Variants in RPS24 observed in about 807,000 individuals in gnomAD.
RPS24 encodes small ribosomal subunit protein eS24.
For missense variants in RPS24, 100 were observed against 162.5 expected (o/e 0.62, Z 2.09); for synonymous variants, 72 against 55.6 (o/e 1.30, Z -1.31).
downstream of RPS24, among the ~76,000 whole-genome samples, chr10:78,043,205 A>G (rs760312608): frequency 9.2e-5 from 14 of 152,060 alleles, no homozygotes; most frequent in East Asian, 1.9e-4. Context: ...GGGTTTCACC[A>G]TGTTAGCCAG....
downstream of RPS24, chr10:78,040,878 A>G (rs1589331310): frequency 8.5e-6 from 5 of 586,814 alleles, no homozygotes; most frequent in South Asian, 6.1e-5. Flanking sequence ...CTGGGAGTCA[A>G]GCTTGTAAAT....
intron 4 of RPS24, among the ~76,000 whole-genome samples, chr10:78,051,168 C>T (rs1848095338): frequency 6.6e-6 from 1 of 152,168 alleles, no homozygotes; most frequent in African/African-American, 2.4e-5. Flanking sequence ...CCAGCCTGGG[C>T]AACAGAGTGG....
At chr10:78,044,037 C>G (rs891232184), downstream of RPS24, among the ~76,000 whole-genome samples, 4 of 152,150 alleles carry the variant, frequency 2.6e-5, no homozygotes, top group African/African-American at 9.7e-5. Flanking sequence ...GAAAAGAGTT[C>G]ATGCAGCCTA....
chr10:78,034,994 G>A (rs1244522078), intron 1 of RPS24, among the ~76,000 whole-genome samples: 1 of 152,076 alleles, frequency 6.6e-6, no homozygotes, highest in African/African-American at 2.4e-5. Flanking sequence ...GTGGTTAGAG[G>A]GCTGGGATTT....
chr10:78,055,104 C>T lies in RPS24; in HGVS notation c.*94C>T, dbSNP rs538598613. The T allele has an allele frequency of 6.1e-5, 87 of 1,435,682 alleles. No individual in the cohort carries two copies. The African/African-American group carries it at 7.5e-4, about 12-fold the overall frequency. 88.9% of individuals were successfully genotyped at this position (1,435,682 alleles called of 1,614,324 possible). A position where few individuals can be genotyped will look rare whatever the true frequency, so the allele number is the denominator to read the frequency against. The stretch of plus-strand genomic sequence containing the variant: ...GCAGCCAGCAGGGCACTGTGGAAAT[C>T]GGAGTCACATGAGCTGGCACCTCTG... On this transcript the variant is annotated 3_prime_UTR_variant, in exon 5 of 5. Coordinates refer to the RPS24 transcript ENST00000440692.
chr10:78,049,046 G>A (rs929066705), intron 4 of RPS24: 6 of 152,218 alleles, frequency 3.9e-5, no homozygotes, highest in African/African-American at 1.4e-4. Flanking sequence ...CATGCAAGAC[G>A]GGCTGCTTTT....
chr10:78,047,183 C>G (rs1848052587), intron 4 of RPS24, among the ~76,000 whole-genome samples: 2 of 150,846 alleles, frequency 1.3e-5, no homozygotes, highest in African/African-American at 4.9e-5. Flanking sequence ...TCTGGCTGGT[C>G]TTGAACTCCT....
chr10:78,040,705 G>A, downstream of RPS24: 3 of 1,609,536 alleles, frequency 1.9e-6, no homozygotes, highest in African/African-American at 1.3e-5. Context: ...TCATGTGTCT[G>A]GTTGTTTGAA....
At chr10:78,049,567 C>T (rs1353087583) in intron 4 of RPS24, among the ~76,000 whole-genome samples, 3 of 152,220 alleles carry the variant, frequency 2.0e-5, no homozygotes, top group African/African-American at 7.2e-5. Context: ...CGTTTTCTCT[C>T]TCCACTTTGC....
At position 78,054,978 on chromosome 10, in the gene RPS24, C is replaced by G; in HGVS notation, c.838C>G (p.Pro280Ala). The G allele has an allele frequency of 1.3e-6, 2 of 1,481,848 alleles. No individual in the cohort carries two copies. Among genetic ancestry groups the G allele is most frequent in the Non-Finnish European group, 9.0e-7 (1 of 1,111,414 alleles). The allele number at this position is 1,481,848 out of a possible 1,614,324, so 91.8% of individuals were successfully genotyped here. ...CCACCAGGAATCCAGCTGCTTCTCC[C>G]CACCTTCCTGCCTCTCTGGTCTGGG... Residue 280 changes from proline (P) to alanine (A), a missense_variant, in exon 5 of 5, where the codon CCA (proline) becomes GCA (alanine). Physicochemically the swap from Pro to Ala is conservative, Grantham distance 27. Transcript: ENST00000440692.
chr10:78,042,379 A>G (rs1847995568), downstream of RPS24, among the ~76,000 whole-genome samples: 1 of 152,198 alleles, frequency 6.6e-6, no homozygotes, highest in South Asian at 2.1e-4. Flanking sequence ...TGTCTTTTAA[A>G]TTGGGCTCCC....
intron 4 of RPS24, among the ~76,000 whole-genome samples, chr10:78,045,933 C>T (rs1415802489): frequency 1.3e-5 from 2 of 151,638 alleles, no homozygotes; most frequent in East Asian, 2.0e-4. Context: ...ACCCAGGAGG[C>T]GGAGGTTGCA....
At chr10:78,043,363 A>G (rs77650368), downstream of RPS24, among the ~76,000 whole-genome samples, 91 of 152,272 alleles carry the variant, frequency 6.0e-4, no homozygotes, top group East Asian at 0.017. Context: ...AAGGGTGTAG[A>G]GCAGTTAAGC....
chr10:78,043,087 T>C (rs1848003880), downstream of RPS24, among the ~76,000 whole-genome samples: 1 of 152,138 alleles, frequency 6.6e-6, no homozygotes, highest in Non-Finnish European at 1.5e-5. Flanking sequence ...CACTGCAAGC[T>C]CTGCCTCACG....
intron 4 of RPS24, among the ~76,000 whole-genome samples, chr10:78,048,555 G>A (rs564897259): frequency 4.6e-5 from 7 of 152,214 alleles, no homozygotes; most frequent in South Asian, 4.2e-4. Flanking sequence ...GGCTCCCACC[G>A]TCGATGATGA....
intron 3 of RPS24, chr10:78,036,216 C>T (rs544718361): frequency 5.1e-6 from 1 of 195,774 alleles, no homozygotes; most frequent in Admixed American, 5.3e-5. Flanking sequence ...TTTGTTTGTT[C>T]CTTTAACTCA....
At chr10:78,039,811 A>T (rs1305111024) in intron 4 of RPS24, 2 of 267,672 alleles carry the variant, frequency 7.5e-6, no homozygotes, top group Non-Finnish European at 1.5e-5. Context: ...TTGAATCTGT[A>T]ATGATTCTCG....
chr10:78,049,582 A>C (rs1848079622), intron 4 of RPS24, among the ~76,000 whole-genome samples: 1 of 152,196 alleles, frequency 6.6e-6, no homozygotes, highest in Non-Finnish European at 1.5e-5. Flanking sequence ...CTTTGCTGCC[A>C]ATGCTGGTGC....
Position 78,035,606 on chromosome 10 carries a change from C to T in RPS24, c.165C>T (p.Ile55=), listed in dbSNP as rs1589326814. The T allele has an allele frequency of 1.9e-6, 3 of 1,613,066 alleles. No homozygotes were observed. Among genetic ancestry groups the T allele is most frequent in the Non-Finnish European group, 2.5e-6 (3 of 1,180,018 alleles). The part of the protein sequence containing the change: ...AKMYKTTPDV[I]FVFGFRTHFG... ...TGTACAAGACCACACCGGATGTCATCTTTGTATTTGGATTCAGAACTCATT... is the reference window on the plus strand; with the variant it reads ...TGTACAAGACCACACCGGATGTCATTTTTGTATTTGGATTCAGAACTCATT... The change falls in exon 3 of 6, where the codon ATC becomes ATT. Residue 55 remains isoleucine (I), a synonymous_variant. Transcript: ENST00000372360.
Sources: gnomAD v4.1 joint callset for allele counts (sites outside exome capture counted in the v4.1 genomes callset) on GRCh38, gnomAD v4.1.1 for gene constraint, MANE v1.5 for transcripts, NCBI Gene and HGNC (gene_info 2026-07-23, HGNC 2026-07-21) for gene names.